MCTP1: variants seen among roughly 807,000 people sequenced by gnomAD.
MCTP1 encodes the protein multiple C2 and transmembrane domain-containing protein 1.
A neutral mutation model predicts 120.6 loss-of-function variants in MCTP1; 69 were observed. The ratio of observed to expected loss-of-function variants is 0.57; its 90% confidence interval spans 0.47 to 0.70. MCTP1 has a LOEUF of 0.70. Among genes scored for constraint, MCTP1 ranks in the 30% least tolerant of loss-of-function variants. MCTP1 has a pLI of 0.00. For synonymous variants in MCTP1, 529 were observed against 493.1 expected (o/e 1.07, Z -0.96); for missense variants, 1,203 against 1,248.8 (o/e 0.96, Z 0.55).
At position 95,012,136 on chromosome 5, in the gene MCTP1, C is replaced by T. The variant is rs145504652; in HGVS notation, c.838+5231G>A. 2.9e-3 allele frequency among the ~76,000 whole-genome samples: 438 copies of T among 152,172 alleles called. 5 individuals are homozygous for T. Among genetic ancestry groups the T allele is most frequent in the Middle Eastern group, 0.02 (6 of 294 alleles). On this transcript the variant is annotated intron_variant, in intron 2 of 22. Transcript: ENST00000515393. Reference sequence around the variant, plus strand: ...ACAGATTAGGAAATATACACACACACCTATCTCCATACATTTTTATTTCTA... The same window carrying T: ...ACAGATTAGGAAATATACACACACATCTATCTCCATACATTTTTATTTCTA...
At chr5:94,798,297 C>T (rs1202771466) in intron 18 of MCTP1, among the ~76,000 whole-genome samples, 1 of 152,042 alleles carries the variant, frequency 6.6e-6, no homozygotes, top group Non-Finnish European at 1.5e-5. Context: ...ATAGACAATC[C>T]AAGGGGAACA....
intron 1 of MCTP1, among the ~76,000 whole-genome samples, chr5:95,207,839 G>A (rs954566544): frequency 1.3e-5 from 2 of 151,828 alleles, no homozygotes; most frequent in Admixed American, 6.6e-5. Context: ...AATTAACAAC[G>A]AGGAGACCTA....
At chr5:94,797,742 T>C (rs1031212649) in intron 18 of MCTP1, among the ~76,000 whole-genome samples, 1 of 152,150 alleles carries the variant, frequency 6.6e-6, no homozygotes, top group Non-Finnish European at 1.5e-5. Flanking sequence ...AATACAAAGA[T>C]GAACAGAGTT....
In MCTP1 at chr5:94,867,182, A is replaced by G. The variant is rs1270970908; in HGVS notation, c.2436+1151T>C. On this transcript the variant is annotated intron_variant, in intron 17 of 22. Coordinates refer to ENST00000515393, the MANE Select transcript of MCTP1 (RefSeq NM_024717.7). ...CATATATTTATTATAAGAAAGAGCTACAAAAAGAATACTGAGAGAGACAGA... is the reference window on the plus strand; with the variant it reads ...CATATATTTATTATAAGAAAGAGCTGCAAAAAGAATACTGAGAGAGACAGA... 5 of 1,334,326 alleles carry G rather than the reference A, an allele frequency of 3.7e-6. No individual in the cohort carries two copies. In the East Asian group the frequency reaches 7.8e-5, roughly 21 times the overall value. The allele number at this position is 1,334,326 out of a possible 1,614,324, so 82.7% of individuals were successfully genotyped here. A position where few individuals can be genotyped will look rare whatever the true frequency, so the allele number is the denominator to read the frequency against.
chr5:94,774,355 G>A (rs1165567851), intron 19 of MCTP1, among the ~76,000 whole-genome samples: 1 of 151,042 alleles, frequency 6.6e-6, no homozygotes, highest in Non-Finnish European at 1.5e-5. Context: ...GCCTTAAAAG[G>A]AACTTGTCTC....
intron 19 of MCTP1, among the ~76,000 whole-genome samples, chr5:94,728,046 T>TA (rs1762456275): frequency 6.6e-6 from 1 of 152,158 alleles, no homozygotes; most frequent in African/African-American, 2.4e-5. Context: ...ATATATGGGG[T>TA]AGGCCTGTCC....
At chr5:95,015,509 T>G (rs1402414513) in intron 2 of MCTP1, among the ~76,000 whole-genome samples, 4 of 152,156 alleles carry the variant, frequency 2.6e-5, no homozygotes, top group African/African-American at 9.6e-5. Flanking sequence ...TTACCTACAT[T>G]CTGTATGTTA....
At chr5:95,191,210 C>A (rs1023503368) in intron 1 of MCTP1, among the ~76,000 whole-genome samples, 2 of 151,956 alleles carry the variant, frequency 1.3e-5, no homozygotes, top group African/African-American at 2.4e-5. Flanking sequence ...AGTATCTGTA[C>A]AAAGGGCTTA....
chr5:95,273,270 C>A (rs929347902), intron 1 of MCTP1, among the ~76,000 whole-genome samples: 2 of 152,248 alleles, frequency 1.3e-5, no homozygotes, highest in Non-Finnish European at 2.9e-5. Flanking sequence ...AATATAAGAA[C>A]AGGAATGGAT....
chr5:94,927,962 T>C (rs1813584591), intron 6 of MCTP1, among the ~76,000 whole-genome samples: 1 of 152,016 alleles, frequency 6.6e-6, no homozygotes, highest in South Asian at 2.1e-4. Flanking sequence ...AGATATAAGC[T>C]GTCAAGTAAT....
At chr5:95,051,915 A>T (rs987461348) in intron 1 of MCTP1, among the ~76,000 whole-genome samples, 1 of 152,162 alleles carries the variant, frequency 6.6e-6, no homozygotes, top group Non-Finnish European at 1.5e-5. Context: ...AAAGGATGGA[A>T]AAACTACCCA....
intron 1 of MCTP1, among the ~76,000 whole-genome samples, chr5:95,175,582 T>C (rs1250725977): frequency 6.6e-6 from 1 of 152,192 alleles, no homozygotes; most frequent in East Asian, 1.9e-4. Flanking sequence ...CTGACTCCCA[T>C]AACAGAAAAA....
intron 7 of MCTP1, among the ~76,000 whole-genome samples, chr5:94,919,180 T>C (rs1013576587): frequency 1.4e-4 from 22 of 152,334 alleles, no homozygotes; most frequent in African/African-American, 4.8e-4. Context: ...CCCTAGCATA[T>C]GTTATTCACT....
intron 5 of MCTP1, among the ~76,000 whole-genome samples, chr5:94,934,726 A>G (rs1815722178): frequency 7.9e-6 from 1 of 126,084 alleles, no homozygotes; most frequent in African/African-American, 3.1e-5. Context: ...AAACTAATCC[A>G]AGATAAAGAA....
intron 1 of MCTP1, among the ~76,000 whole-genome samples, chr5:95,044,811 T>A (rs551690443): frequency 6.6e-6 from 1 of 151,648 alleles, no homozygotes; most frequent in East Asian, 1.9e-4. Context: ...CCCATACCCA[T>A]CCCCAGACCC....
chr5:94,954,206 G>T (rs1284403928), intron 2 of MCTP1, among the ~76,000 whole-genome samples: 1 of 85,278 alleles, frequency 1.2e-5, no homozygotes, highest in African/African-American at 4.4e-5. Flanking sequence ...ATATATATAT[G>T]CCATGGAATA....
At chr5:94,928,227 C>CACACACAG (rs1208230979) in intron 6 of MCTP1, among the ~76,000 whole-genome samples, 3 of 151,672 alleles carry the variant, frequency 2.0e-5, no homozygotes, top group African/African-American at 7.3e-5. Context: ...CACACACACA[C>CACACACAG]ACACACACAC....
intron 2 of MCTP1, among the ~76,000 whole-genome samples, chr5:94,975,288 T>G (rs1403122057): frequency 6.6e-6 from 1 of 152,056 alleles, no homozygotes; most frequent in Non-Finnish European, 1.5e-5. Context: ...TGTGATGGTA[T>G]TTGGAAGTAA....
At chr5:95,225,683 C>T (rs530386576) in intron 1 of MCTP1, among the ~76,000 whole-genome samples, 5 of 152,086 alleles carry the variant, frequency 3.3e-5, no homozygotes, top group Admixed American at 2.6e-4. Flanking sequence ...GCTGCCTTCC[C>T]GTCTTTCCTC....
Sources: gnomAD v4.1 joint callset for allele counts (sites outside exome capture counted in the v4.1 genomes callset) on GRCh38, gnomAD v4.1.1 for gene constraint, MANE v1.5 for transcripts, NCBI Gene and HGNC (gene_info 2026-07-23, HGNC 2026-07-21) for gene names.